The following MACF1 variants were observed in gnomAD, a reference collection of about 807,000 sequenced individuals.
MACF1 encodes the protein microtubule-actin cross-linking factor 1.
In MACF1, 193 loss-of-function variants were observed where a neutral mutation model predicts 854.8. That is an observed-to-expected ratio of 0.23 (90% CI 0.20 to 0.25). The LOEUF (loss-of-function observed/expected upper bound fraction) is 0.25, where lower values mean the gene tolerates loss of function less well. MACF1 is among the 10% of genes least tolerant of loss of function. The pLI, the probability that MACF1 is intolerant of heterozygous loss-of-function variation, is 1.00. For synonymous variants in MACF1, 3,185 were observed against 3,226.7 expected, an observed-to-expected ratio of 0.99 and a Z score of 0.44; for missense variants, 7,722 against 8,929.1, an observed-to-expected ratio of 0.86 and a Z score of 5.45.
At chr1:39,189,985 GA>G (rs565649362) in intron 2 of MACF1, among the ~76,000 whole-genome samples, 144 of 152,284 alleles carry the variant, frequency 9.5e-4, no homozygotes, top group African/African-American at 3.2e-3. Context: ...TCTAGAATGT[GA>G]ACTCATTTTA....
At position 39,254,378 on chromosome 1, in the gene MACF1, A is replaced by G; in HGVS notation, c.435+3A>G. ...TGGACTTCCTAAAGCAGCGACAGGT[A>G]AGACCATCACATGCCTTCCCCATTC... On this transcript the variant is annotated splice_donor_region_variant and intron_variant, in intron 5 of 100. Coordinates refer to ENST00000564288, the MANE Select transcript of MACF1 (RefSeq NM_001394062.1). 1.2e-6 allele frequency: 2 copies of G among 1,614,032 alleles called. No individual in the cohort carries two copies. The highest frequency in any genetic ancestry group is 1.7e-5 in the Admixed American group (1 of 60,032).
chr1:39,174,090 C>T (rs1018471498), intron 2 of MACF1, among the ~76,000 whole-genome samples: 3 of 152,170 alleles, frequency 2.0e-5, no homozygotes, highest in Admixed American at 6.5e-5. Flanking sequence ...ACAAAATCTA[C>T]CCAGTTTTTG....
intron 31 of MACF1, among the ~76,000 whole-genome samples, chr1:39,320,802 T>TAA (rs34400774): frequency 5.4e-5 from 8 of 148,738 alleles, no homozygotes; most frequent in South Asian, 2.1e-4. Context: ...ATCCCATCTG[T>TAA]AAAAAAAAAA....
intron 2 of MACF1, among the ~76,000 whole-genome samples, chr1:39,186,018 A>G (rs1045237050): frequency 6.6e-6 from 1 of 152,096 alleles, no homozygotes; most frequent in Admixed American, 6.6e-5. Context: ...CGTACCTGCC[A>G]CATAATATAT....
intron 6 of MACF1, among the ~76,000 whole-genome samples, chr1:39,264,243 T>C (rs1041790019): frequency 3.9e-5 from 6 of 152,254 alleles, no homozygotes; most frequent in Non-Finnish European, 8.8e-5. Flanking sequence ...TTGGGATTGA[T>C]ACCTGGACTG....
intron 2 of MACF1, among the ~76,000 whole-genome samples, chr1:39,199,650 A>G (rs1190405009): frequency 6.6e-6 from 1 of 152,198 alleles, no homozygotes; most frequent in Non-Finnish European, 1.5e-5. Context: ...AGATGTAAAG[A>G]TGCTTTATAG....
At chr1:39,478,486 A>G (rs1186658601) in intron 97 of MACF1, among the ~76,000 whole-genome samples, 1 of 152,206 alleles carries the variant, frequency 6.6e-6, no homozygotes, top group Non-Finnish European at 1.5e-5. Flanking sequence ...AAAAAATCAC[A>G]GTTGGCAGCA....
At chr1:39,277,176 C>A in intron 6 of MACF1, among the ~76,000 whole-genome samples, 1 of 149,398 alleles carries the variant, frequency 6.7e-6, no homozygotes, top group African/African-American at 2.5e-5. Flanking sequence ...AACCCTAATC[C>A]AGTGTTATGT....
intron 2 of MACF1, among the ~76,000 whole-genome samples, chr1:39,133,367 G>C (rs1018096959): frequency 5.3e-5 from 8 of 152,244 alleles, no homozygotes; most frequent in African/African-American, 1.9e-4. Context: ...AGAGAGATCA[G>C]TGGGGAGGCA....
chr1:39,211,631 C>G lies in MACF1; in HGVS notation c.109+6500C>G, dbSNP rs368256876. ...GGCATGGTGGCTCACGCCTGTAATCCTGACATTTTGGGAGGCTGAGGTGGG... is the reference window on the plus strand; with the variant it reads ...GGCATGGTGGCTCACGCCTGTAATCGTGACATTTTGGGAGGCTGAGGTGGG... On this transcript the variant is annotated intron_variant, in intron 1 of 100. Coordinates refer to ENST00000564288, the MANE Select transcript of MACF1 (RefSeq NM_001394062.1). 2.7e-3 allele frequency among the ~76,000 whole-genome samples: 412 copies of G among 152,172 alleles called. 4 individuals carry two copies. Among genetic ancestry groups the G allele is most frequent in the African/African-American group, 8.9e-3 (368 of 41,532 alleles).
intron 84 of MACF1, 32 bp downstream of exon 84, chr1:39,448,795 C>G (rs779000551): frequency 6.6e-7 from 1 of 1,510,614 alleles, no homozygotes; most frequent in Non-Finnish European, 8.9e-7. Flanking sequence ...AGGGGTCTAA[C>G]CGGGATCCCA....
Position 39,370,099 on chromosome 1 carries a change from A to G in MACF1, c.13008A>G (p.Lys4336=), listed in dbSNP as rs1269816364. Residue 4336 remains lysine (K), a synonymous_variant, in exon 51 of 101, where the codon AAA becomes AAG. Coordinates refer to ENST00000564288, the MANE Select transcript of MACF1 (RefSeq NM_001394062.1). ...GGAAGCTGGTCAGGACCTTCCAGAA[A>G]TGGTTGAAAGAAACTGAAGGGAGTA... ...EFRKLVRTFQ[K]WLKETEGSIP... is the part of the protein sequence containing the mutation. The G allele has an allele frequency of 1.2e-6, 2 of 1,614,124 alleles. No homozygotes were observed. The highest frequency in any genetic ancestry group is 2.2e-5 in the East Asian group (1 of 44,874).
In MACF1 at chr1:39,205,169, G is replaced by C. The variant is rs566537043; in HGVS notation, c.109+38G>C. 1.7e-5 allele frequency: 12 copies of C among 702,534 alleles called. No homozygotes were observed. In the African/African-American group the frequency reaches 1.9e-4, roughly 11 times the overall value. 43.5% of individuals were successfully genotyped at this position (702,534 alleles called of 1,614,324 possible). ...TACCCAGTTATTCTTTAAATCTACT[G>C]TGGGGCTTTTGAGGGTGGGGTGAAT... is the stretch of plus-strand genomic sequence containing the variant. On this transcript the variant is annotated intron_variant, in intron 1 of 100. Coordinates refer to ENST00000564288, the MANE Select transcript of MACF1 (RefSeq NM_001394062.1).
At chr1:39,468,958 C>T (rs901546013) in intron 96 of MACF1, among the ~76,000 whole-genome samples, 1 of 152,150 alleles carries the variant, frequency 6.6e-6, no homozygotes, top group Non-Finnish European at 1.5e-5. Flanking sequence ...TAGAGGAATG[C>T]AGTAATGAGA....
chr1:39,291,330 A>G (rs1645783682), intron 15 of MACF1, among the ~76,000 whole-genome samples: 1 of 152,212 alleles, frequency 6.6e-6, no homozygotes, highest in Non-Finnish European at 1.5e-5. Context: ...TCCAAGGGGC[A>G]CTATTTACAT....
intron 23 of MACF1, among the ~76,000 whole-genome samples, chr1:39,306,610 C>T (rs1421128653): frequency 8.0e-6 from 1 of 124,506 alleles, no homozygotes. Context: ...ACCATTCTAT[C>T]TTTTTTTTTT....
At position 39,333,525 on chromosome 1, in the gene MACF1, T is replaced by G. The variant is rs1646762825; in HGVS notation, c.6937T>G (p.Ser2313Ala). 2 of 1,614,040 alleles carry G rather than the reference T, an allele frequency of 1.2e-6. No homozygotes were observed. The highest frequency in any genetic ancestry group is 2.7e-5 in the African/African-American group (2 of 74,926). Reference sequence around the variant, plus strand: ...AAAGCTCTTACTAAATGAAGCAATATCCCGAGGCATTGTGCCAAGTCACAC... The same window carrying G: ...AAAGCTCTTACTAAATGAAGCAATAGCCCGAGGCATTGTGCCAAGTCACAC... ...GQKLLLNEAI[S>A]RGIVPSHTAV... Residue 2313 changes from serine to alanine, a missense_variant, in exon 37 of 101, where the codon TCC (serine) becomes GCC (alanine). By Grantham distance (99) the Ser-to-Ala change is moderately conservative. This residue lies in a region of MACF1 where 1,531 missense variants were observed against 1,601.6 expected (regional missense o/e 0.96). Coordinates refer to ENST00000564288, the MANE Select transcript of MACF1 (RefSeq NM_001394062.1).
At chr1:39,196,323 G>A (rs1370270325) in intron 2 of MACF1, among the ~76,000 whole-genome samples, 1 of 152,206 alleles carries the variant, frequency 6.6e-6, no homozygotes, top group Admixed American at 6.5e-5. Context: ...ACTTTTGTAT[G>A]TAGAATGTTC....
rs1216651041 is a variant in MACF1 at position 39,228,271 on chromosome 1, T to C, written c.110-2911T>C. On this transcript the variant is annotated intron_variant, in intron 1 of 100. Transcript: ENST00000564288. ...GTTGCACTGAGCCGAGATCGCACCA[T>C]TGCACTCCAGCCTGGGTGACAAAAG... 2.0e-5 allele frequency among the ~76,000 whole-genome samples: 3 copies of C among 151,966 alleles called. 1 individual carries two copies. The highest frequency in any genetic ancestry group is 4.4e-5 in the Non-Finnish European group (3 of 67,998).
Sources: allele counts gnomAD v4.1 joint callset (sites outside exome capture counted in the v4.1 genomes callset), GRCh38; gene constraint gnomAD v4.1.1; regional missense constraint gnomAD v4.1.1; transcripts MANE v1.5; gene names NCBI Gene and HGNC (gene_info 2026-07-23, HGNC 2026-07-21).